UBE2K: variants seen among roughly 807,000 people sequenced by gnomAD.
UBE2K encodes ubiquitin conjugating enzyme E2 K.
UBE2K carries 6 observed loss-of-function variants against 30.0 expected under a neutral mutation model. The ratio of observed to expected loss-of-function variants is 0.20; its 90% CI spans 0.11 to 0.39. UBE2K has a LOEUF of 0.39. Among genes scored for constraint, UBE2K ranks in the 10% least tolerant of loss-of-function variants. UBE2K has a pLI of 1.00. For missense variants in UBE2K, 61 were observed against 241.6 expected, an observed-to-expected ratio of 0.25 and a Z score of 4.96; for synonymous variants, 86 against 83.7, an observed-to-expected ratio of 1.03 and a Z score of -0.15.
chr4:39,750,389 ATAATT>A (rs1721195297), intron 3 of UBE2K, among the ~76,000 whole-genome samples: 1 of 152,148 alleles, frequency 6.6e-6, no homozygotes, highest in African/African-American at 2.4e-5. Flanking sequence ...GCCAATATTG[ATAATT>A]TAAGAATAGT....
At position 39,778,689 on chromosome 4, in the gene UBE2K, A is replaced by G; in HGVS notation, c.*255A>G. 6.2e-6 allele frequency: 2 copies of G among 324,544 alleles called. No homozygotes were observed. Among genetic ancestry groups the G allele is most frequent in the South Asian group, 1.0e-4 (2 of 20,036 alleles). The allele number at this position is 324,544 out of a possible 1,614,324, so 20.1% of individuals were successfully genotyped here. On this transcript the variant is annotated 3_prime_UTR_variant, in exon 7 of 7. Transcript: ENST00000261427. ...GTGTAAAAATTCCCTGAGCTAAGCT[A>G]AAACCATGGAAGAAACATGCTACTT...
intron 1 of UBE2K, among the ~76,000 whole-genome samples, chr4:39,714,759 C>A (rs1718949863): frequency 6.6e-6 from 1 of 150,604 alleles, no homozygotes; most frequent in African/African-American, 2.4e-5. Context: ...CCATGTTGGC[C>A]AGGATGGTCT....
intron 3 of UBE2K, among the ~76,000 whole-genome samples, chr4:39,747,865 G>A (rs1339229866): frequency 4.0e-5 from 6 of 150,598 alleles, no homozygotes; most frequent in South Asian, 2.1e-4. Flanking sequence ...ACAGTGGCGC[G>A]GTCTCGGCTC....
At chr4:39,723,435 C>G (rs1719544315) in intron 1 of UBE2K, among the ~76,000 whole-genome samples, 1 of 141,306 alleles carries the variant, frequency 7.1e-6, no homozygotes. Flanking sequence ...GTGGCACGAT[C>G]TCTGCTCACT....
intron 5 of UBE2K, among the ~76,000 whole-genome samples, chr4:39,775,679 G>C (rs1042060098): frequency 6.6e-6 from 1 of 152,176 alleles, no homozygotes; most frequent in African/African-American, 2.4e-5. Flanking sequence ...TTGAACCTGG[G>C]TGGCAGAGGT....
At chr4:39,721,720 C>A (rs1424946269) in intron 1 of UBE2K, among the ~76,000 whole-genome samples, 1 of 152,130 alleles carries the variant, frequency 6.6e-6, no homozygotes, top group Non-Finnish European at 1.5e-5. Flanking sequence ...ACACTTGTAT[C>A]CCCACTAGCT....
At chr4:39,715,308 G>A (rs1167938480) in intron 1 of UBE2K, among the ~76,000 whole-genome samples, 3 of 151,878 alleles carry the variant, frequency 2.0e-5, no homozygotes, top group African/African-American at 4.8e-5. Flanking sequence ...GATTACAGAC[G>A]TGAGCCACCG....
intron 3 of UBE2K, among the ~76,000 whole-genome samples, chr4:39,746,259 C>G (rs1056861410): frequency 6.6e-6 from 1 of 151,952 alleles, no homozygotes; most frequent in Non-Finnish European, 1.5e-5. Flanking sequence ...TCATAGAGCT[C>G]ACATTATAGT....
chr4:39,758,684 A>T (rs1029763838), intron 4 of UBE2K, among the ~76,000 whole-genome samples: 10 of 145,102 alleles, frequency 6.9e-5, no homozygotes, highest in Admixed American at 2.1e-4. Flanking sequence ...TCTCAAAAAT[A>T]AAAAAAAAAA....
intron 3 of UBE2K, among the ~76,000 whole-genome samples, chr4:39,755,165 TAAG>T (rs1193022457): frequency 2.6e-5 from 4 of 152,186 alleles, no homozygotes; most frequent in Non-Finnish European, 5.9e-5. Context: ...ATTTCAATAA[TAAG>T]AATTTGAGAA....
chr4:39,726,532 C>G (rs1443199276), intron 1 of UBE2K, among the ~76,000 whole-genome samples: 1 of 127,892 alleles, frequency 7.8e-6, no homozygotes, highest in Non-Finnish European at 1.6e-5. Context: ...CCTCCACTTT[C>G]GGTAGTTATG....
chr4:39,737,386 C>T, intron 1 of UBE2K, 34 bp from the exon 2 acceptor site: 1 of 1,380,980 alleles, frequency 7.2e-7, no homozygotes, highest in Non-Finnish European at 9.8e-7. Context: ...TTCTTGCTGA[C>T]ATAACTAACA....
At chr4:39,742,788 G>T (rs957969927) in intron 2 of UBE2K, among the ~76,000 whole-genome samples, 1 of 152,128 alleles carries the variant, frequency 6.6e-6, no homozygotes, top group African/African-American at 2.4e-5. Flanking sequence ...GCTTATGCCT[G>T]TAATCCCAGC....
chr4:39,764,217 T>C (rs556623265), intron 4 of UBE2K, among the ~76,000 whole-genome samples: 24 of 152,246 alleles, frequency 1.6e-4, no homozygotes, highest in African/African-American at 5.5e-4. Context: ...TAGCTGGGCA[T>C]GGTGTTGCGT....
intron 4 of UBE2K, chr4:39,771,473 C>T (rs1182215350): frequency 8.5e-6 from 13 of 1,522,030 alleles, no homozygotes; most frequent in South Asian, 3.8e-5. Context: ...CGGTTCCGCG[C>T]GCTGTTTTTT....
chr4:39,715,906 T>C (rs895236711), intron 1 of UBE2K, among the ~76,000 whole-genome samples: 3 of 152,082 alleles, frequency 2.0e-5, no homozygotes, highest in Admixed American at 6.6e-5. Flanking sequence ...TAATTCATTT[T>C]CTTAACTTCT....
chr4:39,698,165 T>G lies in UBE2K; in HGVS notation c.-163T>G. 1.4e-6 allele frequency: 1 copy of G among 724,426 alleles called. No homozygotes were observed. The highest frequency in any genetic ancestry group is 2.4e-6 in the Non-Finnish European group (1 of 409,254). The allele number at this position is 724,426 out of a possible 1,614,324, so 44.9% of individuals were successfully genotyped here. On this transcript the variant is annotated 5_prime_UTR_variant, in exon 1 of 7. Transcript: ENST00000261427. ...TTTTGGTGGCCGGGCGCGGAGGTGA[T>G]TCCACACTGAGGCGAGCGCGGCGGC...
intron 4 of UBE2K, among the ~76,000 whole-genome samples, chr4:39,761,992 G>A (rs1456100759): frequency 6.6e-6 from 1 of 151,618 alleles, no homozygotes; most frequent in South Asian, 2.1e-4. Context: ...TGGGCAAGAT[G>A]GTGAAACCCC....
intron 4 of UBE2K, among the ~76,000 whole-genome samples, chr4:39,773,565 A>C (rs1324816455): frequency 2.0e-5 from 3 of 152,182 alleles, no homozygotes; most frequent in Admixed American, 6.5e-5. Context: ...TATTAGTACT[A>C]ATGATTTATC....
Sources: allele counts gnomAD v4.1 joint callset (sites outside exome capture counted in the v4.1 genomes callset), GRCh38; gene constraint gnomAD v4.1.1; transcripts MANE v1.5; gene names NCBI Gene and HGNC (gene_info 2026-07-23, HGNC 2026-07-21).